Variants in NCAM1 observed in about 807,000 individuals in gnomAD.
NCAM1 encodes neural cell adhesion molecule 1, also known as antigen recognized by monoclonal antibody 5.1H11.
A neutral mutation model predicts 109.8 loss-of-function variants in NCAM1; 14 were observed. That is an observed-to-expected ratio of 0.13 (90% CI 0.08 to 0.20). The LOEUF (loss-of-function observed/expected upper bound fraction) is 0.20. Among genes scored for constraint, NCAM1 ranks in the 10% least tolerant of loss-of-function variants. The probability of loss-of-function intolerance (pLI) is 1.00; values close to 1 mark genes in which losing one functional copy is unlikely to be tolerated. For missense variants in NCAM1, 774 were observed against 1,109.9 expected (o/e 0.70, Z 4.30); for synonymous variants, 418 against 442.9 (o/e 0.94, Z 0.70).
rs970314914 is a variant in NCAM1, at chr11:113,236,894, C to T, written c.1825+1730C>T. Among the ~76,000 whole-genome samples the T allele has an allele frequency of 7.9e-5, 12 of 152,336 alleles. No homozygotes were observed. The South Asian group carries it at 1.7e-3, about 21-fold the overall frequency. ...CCTGCAGCAGCTGCCATAGTCAAAA[C>T]GTAGCATGAACTTTGGTTCCGAGCC... On this transcript the variant is annotated intron_variant, in intron 14 of 19. Transcript: ENST00000316851.
intron 1 of NCAM1, among the ~76,000 whole-genome samples, chr11:113,034,608 C>T (rs1175356427): frequency 1.3e-5 from 2 of 152,042 alleles, no homozygotes; most frequent in Non-Finnish European, 2.9e-5. Context: ...TAGACCTGGA[C>T]GATGTGTGAT....
At position 112,985,251 on chromosome 11, in the gene NCAM1, A is replaced by G. The variant is rs569435605; in HGVS notation, c.52+23587A>G. Among the ~76,000 whole-genome samples, 32 of 115,250 alleles carry G rather than the reference A, an allele frequency of 2.8e-4. No individual in the cohort carries two copies. The Admixed American group carries it at 3.0e-3, about 11-fold the overall frequency. 75.6% of individuals were successfully genotyped at this position (115,250 alleles called of 152,430 possible). A position where few individuals can be genotyped will look rare whatever the true frequency, so the allele number is the denominator to read the frequency against. ...TCTGTCCTATTCCATTGGTCTATGT[A>G]TCTTTTTTTTTTTTTGCCAGTACCA... On this transcript the variant is annotated intron_variant, in intron 1 of 19. Transcript: ENST00000316851.
intron 7 of NCAM1, among the ~76,000 whole-genome samples, chr11:113,211,427 C>T (rs1944389015): frequency 6.6e-6 from 1 of 152,210 alleles, no homozygotes. Context: ...TCATTCTTTC[C>T]TCAGAAAAAG....
At chr11:113,201,670 T>C (rs1944065981) in intron 1 of NCAM1, among the ~76,000 whole-genome samples, 1 of 152,300 alleles carries the variant, frequency 6.6e-6, no homozygotes, top group East Asian at 1.9e-4. Context: ...CAAATAAATA[T>C]TCAGGGAAAG....
chr11:113,154,269 G>T (rs1195544905), intron 1 of NCAM1, among the ~76,000 whole-genome samples: 1 of 152,184 alleles, frequency 6.6e-6, no homozygotes, highest in Non-Finnish European at 1.5e-5. Flanking sequence ...TAGTTCAAAA[G>T]TTTGGCAGTT....
intron 1 of NCAM1, among the ~76,000 whole-genome samples, chr11:113,111,235 T>G (rs1940431636): frequency 6.6e-6 from 1 of 152,186 alleles, no homozygotes; most frequent in African/African-American, 2.4e-5. Flanking sequence ...CTTTCATGGC[T>G]TTATCTACTT....
chr11:113,177,421 C>T (rs1040855533), intron 1 of NCAM1, among the ~76,000 whole-genome samples: 2 of 152,106 alleles, frequency 1.3e-5, no homozygotes, highest in African/African-American at 4.8e-5. Flanking sequence ...GACAGCATTA[C>T]GTATTATGTC....
intron 1 of NCAM1, among the ~76,000 whole-genome samples, chr11:113,104,207 T>TGGGGGGGGGGGGGGGGGGGGGGGGGG (rs1345382907): frequency 5.2e-5 from 1 of 19,278 alleles, no homozygotes; most frequent in Non-Finnish European, 1.0e-4. Context: ...GGAGGTGGGG[T>TGGGGGGGGGGGGGGGGGGGGGGGGGG]GGGGGGGGGG....
At position 113,068,131 on chromosome 11, in the gene NCAM1, C is replaced by T. The variant is rs186042788; in HGVS notation, c.52+106467C>T. ...TTTCACCGTGTTAGCCAGGATGGTC[C>T]CGATCTCCTGACCTCGTGATCCACC... is the stretch of plus-strand genomic sequence containing the variant. On this transcript the variant is annotated intron_variant, in intron 1 of 19. Coordinates refer to ENST00000316851, the MANE Select transcript of NCAM1 (RefSeq NM_181351.5). 3.4e-4 allele frequency among the ~76,000 whole-genome samples: 52 copies of T among 152,002 alleles called. 1 individual carries two copies. The highest frequency in any genetic ancestry group is 3.1e-3 in the Admixed American group (47 of 15,280).
chr11:113,067,583 G>A (rs1938027201), intron 1 of NCAM1, among the ~76,000 whole-genome samples: 1 of 152,198 alleles, frequency 6.6e-6, no homozygotes. Flanking sequence ...CCATCGTTAT[G>A]TCACCTGGCA....
intron 16 of NCAM1, among the ~76,000 whole-genome samples, chr11:113,257,883 A>G (rs560732377): frequency 6.6e-6 from 1 of 152,356 alleles, no homozygotes; most frequent in Admixed American, 6.5e-5. Context: ...TACACATCCT[A>G]GCTTACAGCA....
rs547908983 is a variant in NCAM1 at position 113,089,393 on chromosome 11, A to G, written c.53-112986A>G. ...GTGGGTTTAGTTTTTTTTTTTAATC[A>G]GAGCATAAAAGCTATTAATTAAGTT... is the stretch of plus-strand genomic sequence containing the variant. On this transcript the variant is annotated intron_variant, in intron 1 of 19. Transcript: ENST00000316851. Among the ~76,000 whole-genome samples the G allele has an allele frequency of 1.3e-4, 20 of 151,854 alleles. No homozygotes were observed. The South Asian group carries it at 4.0e-3, about 30-fold the overall frequency.
chr11:113,221,207 C>A, intron 8 of NCAM1, 89 bp from the exon 9 acceptor site: 1 of 1,305,310 alleles, frequency 7.7e-7, no homozygotes, highest in Non-Finnish European at 1.1e-6. Context: ...GCTGCATGTG[C>A]ACGGAATGCA....
intron 1 of NCAM1, among the ~76,000 whole-genome samples, chr11:113,077,786 A>C (rs1965775): frequency 0.23 from 34,277 of 151,328 alleles, 4,146 homozygotes; most frequent in East Asian, 0.47. Flanking sequence ...TCCTGGGTTC[A>C]AGTGATTCTC....
At chr11:113,082,020 A>G (rs1938845199) in intron 1 of NCAM1, among the ~76,000 whole-genome samples, 1 of 152,214 alleles carries the variant, frequency 6.6e-6, no homozygotes, top group African/African-American at 2.4e-5. Flanking sequence ...AATCTGCTGT[A>G]CTAATATTGT....
intron 1 of NCAM1, among the ~76,000 whole-genome samples, chr11:113,103,800 G>T (rs908144605): frequency 2.6e-5 from 4 of 152,038 alleles, no homozygotes; most frequent in African/African-American, 9.7e-5. Context: ...TGAAGTAACC[G>T]TGGGCGATAT....
rs374921358 is a variant in NCAM1, at chr11:113,197,042, G to T, written c.53-5337G>T. The T allele has an allele frequency of 3.1e-4, 48 of 153,216 alleles. 1 individual carries two copies. In the South Asian group the frequency reaches 9.4e-3, roughly 30 times the overall value. The allele number at this position is 153,216 out of a possible 1,614,324, so 9.5% of individuals were successfully genotyped here. A position where few individuals can be genotyped will look rare whatever the true frequency, so the allele number is the denominator to read the frequency against. ...CTTCACGTGGCAGCAGGAAAGAGAA[G>T]GGTGAATGAGCAAAGCAGGAGGAGC... On this transcript the variant is annotated intron_variant, in intron 1 of 19. Transcript: ENST00000316851.
intron 8 of NCAM1, among the ~76,000 whole-genome samples, chr11:113,218,355 T>A (rs1342421124): frequency 6.6e-6 from 1 of 152,208 alleles, no homozygotes; most frequent in Non-Finnish European, 1.5e-5. Flanking sequence ...TGCTCTCTCA[T>A]GGTTTGTATG....
intron 1 of NCAM1, among the ~76,000 whole-genome samples, chr11:113,028,439 T>A (rs1952621908): frequency 6.6e-6 from 1 of 152,174 alleles, no homozygotes; most frequent in Admixed American, 6.5e-5. Context: ...TCTTTTATGA[T>A]GGAGGGATGC....
Sources: gnomAD v4.1 joint callset for allele counts (sites outside exome capture counted in the v4.1 genomes callset) on GRCh38, gnomAD v4.1.1 for gene constraint, MANE v1.5 for transcripts, NCBI Gene and HGNC (gene_info 2026-07-23, HGNC 2026-07-21) for gene names.